The following RASSF3 variants were observed in gnomAD, a reference collection of about 807,000 sequenced individuals.
RASSF3 encodes the protein ras association domain-containing protein 3.
RASSF3 carries 19 observed loss-of-function variants against 19.9 expected under a neutral mutation model. That is an observed-to-expected ratio of 0.96 (90% CI 0.67 to 1.40). The LOEUF (loss-of-function observed/expected upper bound fraction) is 1.40. Ranked by LOEUF, RASSF3 falls within the 40% of genes most tolerant of loss-of-function variation. RASSF3 has a pLI of 0.00. For missense variants in RASSF3, 306 were observed against 289.8 expected (o/e 1.06, Z -0.41); for synonymous variants, 110 against 104.2 (o/e 1.06, Z -0.34).
intron 1 of RASSF3, among the ~76,000 whole-genome samples, chr12:64,675,068 G>A (rs1369778756): frequency 5.9e-5 from 1 of 16,902 alleles, no homozygotes; most frequent in Non-Finnish European, 1.1e-4. Flanking sequence ...CCGCCACCCC[G>A]GCTTCTTGCT....
intron 1 of RASSF3, among the ~76,000 whole-genome samples, chr12:64,508,753 A>T (rs532637248): frequency 1.3e-5 from 2 of 151,688 alleles, no homozygotes; most frequent in African/African-American, 2.4e-5. Context: ...GTGTGGTAGC[A>T]CATGCCTGTA....
chr12:64,507,228 A>G (rs1868297418), exon 1 of RASSF3: 4 of 398,548 alleles, frequency 1.0e-5, no homozygotes, highest in South Asian at 1.3e-4. Context: ...AGTGACTTTC[A>G]TGAGACCTTC....
intron 2 of RASSF3, among the ~76,000 whole-genome samples, chr12:64,576,940 T>C (rs1592406006): frequency 6.6e-6 from 1 of 151,488 alleles, no homozygotes; most frequent in East Asian, 1.9e-4. Flanking sequence ...GTGGCATGCA[T>C]GCTATAATAA....
chr12:64,664,046 TAGTC>T (rs747984337), intron 1 of RASSF3, among the ~76,000 whole-genome samples: 9 of 152,166 alleles, frequency 5.9e-5, no homozygotes, highest in African/African-American at 1.4e-4. Flanking sequence ...ATGACTTAAT[TAGTC>T]AGGCATTAAC....
chr12:64,564,612 C>G (rs1395638518), intron 2 of RASSF3, among the ~76,000 whole-genome samples: 1 of 152,086 alleles, frequency 6.6e-6, no homozygotes, highest in Non-Finnish European at 1.5e-5. Flanking sequence ...AAACTTCCGA[C>G]CTCAGGTGAT....
chr12:64,548,798 A>G (rs1004862546), intron 2 of RASSF3, among the ~76,000 whole-genome samples: 1 of 152,208 alleles, frequency 6.6e-6, no homozygotes, highest in African/African-American at 2.4e-5. Context: ...TTAAAATTCA[A>G]TTTTAAAGGG....
chr12:64,619,236 C>T (rs1053299440), intron 1 of RASSF3, among the ~76,000 whole-genome samples: 12 of 151,780 alleles, frequency 7.9e-5, no homozygotes, highest in African/African-American at 2.2e-4. Flanking sequence ...GGGGAACTTG[C>T]CCTTTACTGT....
At chr12:64,670,528 C>T (rs1373907726) in intron 1 of RASSF3, among the ~76,000 whole-genome samples, 4 of 147,496 alleles carry the variant, frequency 2.7e-5, no homozygotes, top group African/African-American at 5.0e-5. Flanking sequence ...ATACTGGATA[C>T]GGTTTCTCTC....
At chr12:64,513,031 A>G (rs1868337757) in intron 1 of RASSF3, among the ~76,000 whole-genome samples, 1 of 152,172 alleles carries the variant, frequency 6.6e-6, no homozygotes, top group East Asian at 1.9e-4. Flanking sequence ...GGTGAAATGT[A>G]TAAACAGAAG....
At chr12:64,516,618 C>CAAAAAAAAAAAAAAAAAAAAAAA (rs200931603) in intron 1 of RASSF3, among the ~76,000 whole-genome samples, 2 of 109,126 alleles carry the variant, frequency 1.8e-5, no homozygotes, top group African/African-American at 6.6e-5. Flanking sequence ...GACTCCGTCT[C>CAAAAAAAAAAAAAAAAAAAAAAA]AAAAAAAAAA....
chr12:64,579,512 G>C (rs1456246309), intron 2 of RASSF3, among the ~76,000 whole-genome samples: 2 of 151,788 alleles, frequency 1.3e-5, no homozygotes, highest in African/African-American at 4.8e-5. Context: ...CAACACGCCT[G>C]GCTATTTTTT....
intron 2 of RASSF3, among the ~76,000 whole-genome samples, chr12:64,602,140 A>G (rs1592414010): frequency 6.6e-6 from 1 of 151,836 alleles, no homozygotes; most frequent in East Asian, 1.9e-4. Context: ...AAAATTAAGA[A>G]ATATTCCATG....
Position 64,680,123 on chromosome 12 carries a change from C to G in RASSF3, c.112-4664C>G, listed in dbSNP as rs1873068078. Among the ~76,000 whole-genome samples the G allele has an allele frequency of 5.3e-5, 8 of 152,082 alleles. No homozygotes were observed. In the South Asian group the frequency reaches 1.7e-3, roughly 32 times the overall value. On this transcript the variant is annotated intron_variant, in intron 1 of 4. Transcript: ENST00000542104. ...TTTTTCCTGGGCATACAGCTGCGTT[C>G]CTAGAAATTGTGGTTCTGATTCATA... is the stretch of plus-strand genomic sequence containing the variant.
intron 2 of RASSF3, among the ~76,000 whole-genome samples, chr12:64,585,567 A>T (rs1869781063): frequency 1.3e-5 from 2 of 150,226 alleles, no homozygotes; most frequent in South Asian, 2.1e-4. Context: ...CCACTGGTTC[A>T]TCTACACTGT....
chr12:64,686,177 G>T (rs2136220109), intron 2 of RASSF3, among the ~76,000 whole-genome samples: 1 of 151,422 alleles, frequency 6.6e-6, no homozygotes, highest in South Asian at 2.1e-4. Context: ...AAATCCACTT[G>T]CTATGTTTTT....
chr12:64,685,356 C>T (rs1592470186), intron 2 of RASSF3, among the ~76,000 whole-genome samples: 1 of 152,164 alleles, frequency 6.6e-6, no homozygotes, highest in East Asian at 1.9e-4. Context: ...GTAATCCTCC[C>T]ACCTCAGCCT....
At chr12:64,608,192 C>T (rs1870227550), upstream of RASSF3, among the ~76,000 whole-genome samples, 1 of 152,048 alleles carries the variant, frequency 6.6e-6, no homozygotes, top group African/African-American at 2.4e-5. Context: ...GTGCCCCACT[C>T]AATCATGCCT....
chr12:64,623,019 C>T (rs1870840207), intron 1 of RASSF3, among the ~76,000 whole-genome samples: 1 of 151,894 alleles, frequency 6.6e-6, no homozygotes, highest in Admixed American at 6.6e-5. Flanking sequence ...CGGGGTTTCA[C>T]CATGTTGGTC....
intron 1 of RASSF3, among the ~76,000 whole-genome samples, chr12:64,620,176 A>G (rs969019195): frequency 3.3e-5 from 5 of 152,110 alleles, no homozygotes; most frequent in African/African-American, 1.2e-4. Context: ...TAGTCTAGAT[A>G]AGTGAATTTG....
Sources: gnomAD v4.1 joint callset for allele counts (sites outside exome capture counted in the v4.1 genomes callset) on GRCh38, gnomAD v4.1.1 for gene constraint, MANE v1.5 for transcripts, NCBI Gene and HGNC (gene_info 2026-07-23, HGNC 2026-07-21) for gene names.